Variants in ANKLE2 observed in about 807,000 individuals in gnomAD.
The protein encoded by ANKLE2 is ankyrin repeat and LEM domain-containing protein 2.
A neutral mutation model predicts 84.2 loss-of-function variants in ANKLE2; 55 were observed. The observed-to-expected ratio is 0.65, with a 90% CI of 0.53 to 0.82. The LOEUF is 0.82. Among genes scored for constraint, ANKLE2 ranks in the 40% least tolerant of loss-of-function variants. ANKLE2 has a pLI of 0.00. For synonymous variants in ANKLE2, 551 were observed against 486.1 expected (o/e 1.13, Z -1.76); for missense variants, 1,238 against 1,201.9 (o/e 1.03, Z -0.44).
chr12:132,761,627 G>T lies in ANKLE2; in HGVS notation c.172C>A (p.Pro58Thr). ...ACCGCCTGGGCCTTACCTGAGGCGG[G>T]GGCGGCGGCCGCGCTTGGCGGAGGA... is the stretch of plus-strand genomic sequence containing the variant. ...PVPPPSAAAA[P>T]ASGEMTMDAL... The change falls in exon 1 of 13, where the codon CCC becomes ACC. Residue 58 changes from proline (P) to threonine (T), a missense_variant. By Grantham distance (38) the Pro-to-Thr change is conservative. Around this residue, in one of 3 missense-constraint regions of ANKLE2, gnomAD observed 422 missense variants for 394.5 expected, o/e 1.07. Transcript: ENST00000357997. 1 of 1,258,086 alleles carries T rather than the reference G, an allele frequency of 7.9e-7. No individual in the cohort carries two copies. Among genetic ancestry groups the T allele is most frequent in the Non-Finnish European group, 1.0e-6 (1 of 1,001,868 alleles). 77.9% of individuals were successfully genotyped at this position (1,258,086 alleles called of 1,614,324 possible).
chr12:132,730,302 G>A (rs1019151587), intron 10 of ANKLE2, 32 bp from the exon 11 acceptor site: 6 of 1,513,930 alleles, frequency 4.0e-6, no homozygotes, highest in African/African-American at 1.4e-5. Flanking sequence ...CTTCAGTGAT[G>A]GGAACGACAG....
intron 5 of ANKLE2, among the ~76,000 whole-genome samples, chr12:132,747,234 G>A (rs927512691): frequency 1.3e-5 from 2 of 152,038 alleles, no homozygotes; most frequent in East Asian, 1.9e-4. Flanking sequence ...ACAGCCCTGC[G>A]TGTCAGGCAG....
chr12:132,733,074 G>A (rs563945185), intron 10 of ANKLE2, among the ~76,000 whole-genome samples: 68 of 146,978 alleles, frequency 4.6e-4, no homozygotes, highest in African/African-American at 1.6e-3. Flanking sequence ...GCATGCTGGT[G>A]TCTGATACGC....
Position 132,743,403 on chromosome 12 carries a change from G to T in ANKLE2, c.1231-127C>A. On this transcript the variant is annotated intron_variant, in intron 5 of 12. Transcript: ENST00000357997. This position sits in a 1 kb window ranked among gnomAD's most constrained non-coding sequence, Gnocchi z 4.1. ...TTTTGAGACGGAGTCTCACTGGCGT[G>T]ATCTTGGCTCACTGCAACCTCTGCC... The T allele has an allele frequency of 1.6e-6, 2 of 1,256,024 alleles. No individual in the cohort carries two copies. Among genetic ancestry groups the T allele is most frequent in the Non-Finnish European group, 2.1e-6 (2 of 953,282 alleles). 77.8% of individuals were successfully genotyped at this position (1,256,024 alleles called of 1,614,324 possible).
At position 132,734,577 on chromosome 12, in the gene ANKLE2, T is replaced by C. The variant is rs754490860; in HGVS notation, c.1701-2A>G. 2.5e-6 allele frequency: 4 copies of C among 1,599,738 alleles called. No homozygotes were observed. The highest frequency in any genetic ancestry group is 3.6e-5 in the Admixed American group (2 of 55,794). On this transcript the variant is annotated splice_acceptor_variant, in intron 9 of 12. Transcript: ENST00000357997. LOFTEE classifies it high-confidence loss of function. ...TACCCCAGCTCATGAGCTAGCTCCC[T>C]GTAAGAAACAAAACACAATTAACCA...
chr12:132,746,959 G>A (rs140304753), intron 5 of ANKLE2, among the ~76,000 whole-genome samples: 20 of 152,276 alleles, frequency 1.3e-4, no homozygotes, highest in Non-Finnish European at 2.5e-4. Context: ...GGGTGGGAGG[G>A]GCTAAGAGAA....
At chr12:132,729,256 C>A (rs1593132219) in intron 11 of ANKLE2, among the ~76,000 whole-genome samples, 1 of 144,992 alleles carries the variant, frequency 6.9e-6, no homozygotes, top group Non-Finnish European at 1.5e-5. Context: ...GAGGCTGAGG[C>A]AGGAGAATTG....
Position 132,754,860 on chromosome 12 carries a change from G to C in ANKLE2, c.455C>G (p.Ser152Cys). 6.2e-7 allele frequency: 1 copy of C among 1,614,158 alleles called. No homozygotes were observed. Among genetic ancestry groups the C allele is most frequent in the East Asian group, 2.2e-5 (1 of 44,878 alleles). ...ACTGTAACCAAAATCTCTGTCTTCA[G>C]AAAAACCAGCCTGATCAGTTGGGTT... is the stretch of plus-strand genomic sequence containing the variant. ...EGNPTDQAGF[S>C]EDRDFGYSVG... Residue 152 changes from serine (S) to cysteine (C), a missense_variant, in exon 2 of 13, where the codon TCT becomes TGT. By Grantham distance (112) the Ser-to-Cys change is moderately radical (BLOSUM62 -1). This residue lies in a region of ANKLE2 where 422 missense variants were observed against 394.5 expected (regional missense o/e 1.07). Coordinates refer to ENST00000357997, the MANE Select transcript of ANKLE2 (RefSeq NM_015114.3).
intron 9 of ANKLE2, 163 bp from the exon 10 acceptor site, chr12:132,734,738 T>A: frequency 1.4e-6 from 1 of 691,462 alleles, no homozygotes; most frequent in South Asian, 2.0e-5. Context: ...ACGGTGCATT[T>A]TCTGAAACAG....
chr12:132,734,302 G>A (rs1443555712), intron 10 of ANKLE2, 83 bp downstream of exon 10: 3 of 1,421,932 alleles, frequency 2.1e-6, no homozygotes, highest in Non-Finnish European at 1.9e-6. Flanking sequence ...ACCAAGAGAC[G>A]AGAAACAGAT....
Position 132,727,243 on chromosome 12 carries a change from T to C in ANKLE2, c.2816A>G (p.Ter939TrpextTer32). 3.2e-6 allele frequency: 5 copies of C among 1,554,466 alleles called. No homozygotes were observed. Among genetic ancestry groups the C allele is most frequent in the Non-Finnish European group, 4.4e-6 (5 of 1,148,308 alleles). ...CAAACCGAGAGCCCAGCGCCAAGCC[T>C]ACAGGGCGGCAAGCTCAGCCAGGCG... ...MARLAELAAL[*>W] is the part of the protein sequence containing the mutation. The change falls in exon 13 of 13, where the codon TAG becomes TGG. Residue 939 changes from the stop codon to tryptophan, a stop_lost. Transcript: ENST00000357997.
intron 10 of ANKLE2, chr12:132,734,169 C>T: frequency 1.7e-6 from 1 of 594,724 alleles, no homozygotes; most frequent in Admixed American, 2.7e-5. Context: ...CGCTTGAACC[C>T]AGGAGGTGGA....
At position 132,726,823 on chromosome 12, in the gene ANKLE2, G is replaced by C. The variant is rs1453482633; in HGVS notation, c.*419C>G. On this transcript the variant is annotated 3_prime_UTR_variant, in exon 13 of 13. Coordinates refer to ENST00000357997, the MANE Select transcript of ANKLE2 (RefSeq NM_015114.3). Reference sequence around the variant, plus strand: ...CGGCAAATAGTTCATCTTGGTGAGTGCAGGTTATCAAAGGGACATCGGTGC... The same window carrying C: ...CGGCAAATAGTTCATCTTGGTGAGTCCAGGTTATCAAAGGGACATCGGTGC... 1 of 162,184 alleles carries C rather than the reference G, an allele frequency of 6.2e-6. No homozygotes were observed. Among genetic ancestry groups the C allele is most frequent in the Non-Finnish European group, 1.3e-5 (1 of 74,772 alleles). 10.0% of individuals were successfully genotyped at this position (162,184 alleles called of 1,614,324 possible).
rs748941745 is a variant in ANKLE2 at position 132,741,525 on chromosome 12, C to T, written c.1354-40G>A. ...AGTGTGTCTAAATCTTATTTGATCG[C>T]AACATTTCCTTATCATTACAATGAT... On this transcript the variant is annotated intron_variant, in intron 6 of 12. Coordinates refer to ENST00000357997, the MANE Select transcript of ANKLE2 (RefSeq NM_015114.3). The T allele has an allele frequency of 3.2e-6, 5 of 1,569,710 alleles. No individual in the cohort carries two copies. In the Admixed American group the frequency reaches 8.4e-5, roughly 26 times the overall value.
chr12:132,749,525 G>C (rs1348386254), intron 3 of ANKLE2, among the ~76,000 whole-genome samples: 1 of 152,226 alleles, frequency 6.6e-6, no homozygotes, highest in Non-Finnish European at 1.5e-5. Flanking sequence ...ATCCGTACCT[G>C]TTAGAAGCCA....
intron 2 of ANKLE2, chr12:132,751,232 CTTTTTA>C (rs1449696652): frequency 6.3e-6 from 1 of 159,180 alleles, no homozygotes; most frequent in Non-Finnish European, 1.4e-5. Flanking sequence ...CAGGGAACGC[CTTTTTA>C]TTTTTTACTT....
rs543972419 is a variant in ANKLE2 at position 132,756,956 on chromosome 12, C to CA, written c.182-1824dup. 1.0e-3 allele frequency: 150 copies of CA among 144,010 alleles called. 1 individual carries two copies. Among genetic ancestry groups the CA allele is most frequent in the East Asian group, 6.4e-3 (32 of 5,004 alleles). 8.9% of individuals were successfully genotyped at this position (144,010 alleles called of 1,614,324 possible). The stretch of plus-strand genomic sequence containing the variant: ...AATAAAACAACAACAACAAAAAAAA[C>CA]AAAAAAAAAAGAAATAAGTAAATAA... On this transcript the variant is annotated intron_variant, in intron 1 of 12. Coordinates refer to ENST00000357997, the MANE Select transcript of ANKLE2 (RefSeq NM_015114.3).
At chr12:132,741,837 G>T (rs1320664614) in intron 6 of ANKLE2, 1 of 472,934 alleles carries the variant, frequency 2.1e-6, no homozygotes, top group Non-Finnish European at 4.2e-6. Context: ...TCCACTTACA[G>T]GAAGCCTGGT....
At chr12:132,734,073 T>TAAA in intron 10 of ANKLE2, 7 of 442,576 alleles carry the variant, frequency 1.6e-5, no homozygotes, top group East Asian at 6.5e-5. Flanking sequence ...GCATCTCCAC[T>TAAA]AAAAAAAAAA....
Sources: gnomAD v4.1 joint callset for allele counts (sites outside exome capture counted in the v4.1 genomes callset) on GRCh38, gnomAD v4.1.1 for gene constraint, gnomAD v4.1.1 regional missense constraint, Gnocchi (gnomAD v3.1) non-coding constraint, MANE v1.5 for transcripts, NCBI Gene and HGNC (gene_info 2026-07-23, HGNC 2026-07-21) for gene names.